CR1: variants seen among roughly 807,000 people sequenced by gnomAD.
CR1 encodes complement C3b/C4b receptor 1 (Knops blood group), also known as complement receptor type 1.
A neutral mutation model predicts 187.3 loss-of-function variants in CR1; 116 were observed. The ratio of observed to expected loss-of-function variants is 0.62; its 90% confidence interval spans 0.53 to 0.72. The LOEUF (loss-of-function observed/expected upper bound fraction) is 0.72. CR1 is among the 30% of genes least tolerant of loss of function. CR1 has a pLI of 0.00. For synonymous variants in CR1, 576 were observed against 747.1 expected, an observed-to-expected ratio of 0.77 and a Z score of 3.73; for missense variants, 1,731 against 2,110.7, an observed-to-expected ratio of 0.82 and a Z score of 3.52.
rs772716917 is a variant in CR1 at position 207,581,958 on chromosome 1, G to A, written c.5257G>A (p.Val1753Ile). 31 of 1,613,182 alleles carry A rather than the reference G, an allele frequency of 1.9e-5. No individual in the cohort carries two copies. Among genetic ancestry groups the A allele is most frequent in the Non-Finnish European group, 2.6e-5 (31 of 1,179,456 alleles). Residue 1753 changes from valine (V) to isoleucine (I), a missense_variant, in exon 32 of 47, where the codon GTT becomes ATT. By Grantham distance (29) the Val-to-Ile change is conservative. Around this residue, in one of 5 missense-constraint regions of CR1, gnomAD observed 1,312 missense variants for 1,379.6 expected, o/e 0.95. Transcript: ENST00000367049. Reference sequence around the variant, plus strand: ...CAGTTCCGTTAGTCATTGTGTCTTGGTTGGAATGAGAAGCCTTTGGAATAA... The same window carrying A: ...CAGTTCCGTTAGTCATTGTGTCTTGATTGGAATGAGAAGCCTTTGGAATAA... ...KGSSVSHCVL[V>I]GMRSLWNNSV...
Position 207,641,293 on chromosome 1 carries a change from A to G in CR1, c.*1884A>G, listed in dbSNP as rs1662978260. ...TCCTGTGTTCTTTTTTTTTTCCAGAATGGAGTAGGTCAGTGAGCAATGTGA... is the reference window on the plus strand; with the variant it reads ...TCCTGTGTTCTTTTTTTTTTCCAGAGTGGAGTAGGTCAGTGAGCAATGTGA... On this transcript the variant is annotated 3_prime_UTR_variant, in exon 47 of 47. Coordinates refer to ENST00000367049, the MANE Select transcript of CR1 (RefSeq NM_000651.6). 6.6e-6 allele frequency: 1 copy of G among 151,590 alleles called. No homozygotes were observed. The highest frequency in any genetic ancestry group is 2.1e-4 in the South Asian group (1 of 4,822). The allele number at this position is 151,590 out of a possible 1,614,324, so 9.4% of individuals were successfully genotyped here. A position where few individuals can be genotyped will look rare whatever the true frequency, so the allele number is the denominator to read the frequency against.
rs201131753 is a variant in CR1 at position 207,567,865 on chromosome 1, C to A, written c.3994C>A (p.His1332Asn). 6 of 1,610,944 alleles carry A rather than the reference C, an allele frequency of 3.7e-6. No homozygotes were observed. The South Asian group carries it at 6.6e-5, about 18-fold the overall frequency. ...PSPPVIPNGR[H>N]TGKPLEVFPF... ...TCCTCCAGTTATTCCTAATGGGAGACACACAGGAAAACCTCTGGAAGTCTT... is the reference window on the plus strand; with the variant it reads ...TCCTCCAGTTATTCCTAATGGGAGAAACACAGGAAAACCTCTGGAAGTCTT... The change falls in exon 25 of 47, where the codon CAC (histidine) becomes AAC (asparagine). Residue 1332 changes from histidine (H) to asparagine (N), a missense_variant. By Grantham distance (68) the His-to-Asn change is moderately conservative (BLOSUM62 1). Coordinates refer to ENST00000367049, the MANE Select transcript of CR1 (RefSeq NM_000651.6).
In CR1 at chr1:207,505,950, C is replaced by A; in HGVS notation, c.168C>A (p.Asn56Lys). 1.2e-6 allele frequency: 2 copies of A among 1,613,978 alleles called. No homozygotes were observed. The highest frequency in any genetic ancestry group is 1.7e-6 in the Non-Finnish European group (2 of 1,179,864). The part of the protein sequence containing the change: ...PEWLPFARPT[N>K]LTDEFEFPIG... ...GGCTTCCATTTGCCAGGCCTACCAA[C>A]CTAACTGATGAATTTGAGTTTCCCA... The change falls in exon 2 of 47, where the codon AAC becomes AAA. Residue 56 changes from asparagine to lysine, a missense_variant. Asn to Lys is a moderately conservative substitution (Grantham distance 94). Coordinates refer to ENST00000367049, the MANE Select transcript of CR1 (RefSeq NM_000651.6).
intron 39 of CR1, among the ~76,000 whole-genome samples, chr1:207,612,540 G>A (rs1276384898): frequency 2.6e-5 from 4 of 152,222 alleles, no homozygotes; most frequent in African/African-American, 9.6e-5. Flanking sequence ...TTTTAATGCA[G>A]GATTTTTCTC....
chr1:207,511,987 T>G (rs1469911451), intron 4 of CR1, among the ~76,000 whole-genome samples: 1 of 152,200 alleles, frequency 6.6e-6, no homozygotes, highest in Non-Finnish European at 1.5e-5. Flanking sequence ...TTTTTAAAAT[T>G]GATACTCTTC....
At chr1:207,523,275 T>C (rs928235668) in intron 4 of CR1, among the ~76,000 whole-genome samples, 4 of 152,150 alleles carry the variant, frequency 2.6e-5, no homozygotes, top group African/African-American at 9.7e-5. Context: ...CCTTGGTTAA[T>C]AACAAAAATG....
At chr1:207,526,069 A>G (rs1371636857) in intron 5 of CR1, among the ~76,000 whole-genome samples, 1 of 152,106 alleles carries the variant, frequency 6.6e-6, no homozygotes, top group Non-Finnish European at 1.5e-5. Flanking sequence ...CTGCCCTTAC[A>G]ATATGTTGCG....
Position 207,632,063 on chromosome 1 carries a change from T to A in CR1, c.7457+1442T>A, listed in dbSNP as rs535597337. On this transcript the variant is annotated intron_variant, in intron 46 of 46. Coordinates refer to ENST00000367049, the MANE Select transcript of CR1 (RefSeq NM_000651.6). Reference sequence around the variant, plus strand: ...AAACATAAGTAGAAGCAATTCAAACTTTTCTAAACAAAAAATTACAGATTA... The same window carrying A: ...AAACATAAGTAGAAGCAATTCAAACATTTCTAAACAAAAAATTACAGATTA... Among the ~76,000 whole-genome samples the A allele has an allele frequency of 3.3e-5, 5 of 152,140 alleles. No individual in the cohort carries two copies. In the South Asian group the frequency reaches 1.0e-3, roughly 31 times the overall value.
At chr1:207,629,492 C>T (rs1428072483) in intron 45 of CR1, among the ~76,000 whole-genome samples, 2 of 152,210 alleles carry the variant, frequency 1.3e-5, no homozygotes, top group Non-Finnish European at 2.9e-5. Flanking sequence ...CACTCTTCCT[C>T]ATCCATGGAT....
At chr1:207,596,787 A>G (rs983114640) in intron 35 of CR1, among the ~76,000 whole-genome samples, 1 of 147,960 alleles carries the variant, frequency 6.8e-6, no homozygotes, top group Admixed American at 6.8e-5. Flanking sequence ...TCATAAGTAT[A>G]TATATAATAT....
At chr1:207,595,172 T>C (rs1661392394) in intron 35 of CR1, among the ~76,000 whole-genome samples, 1 of 141,142 alleles carries the variant, frequency 7.1e-6, no homozygotes, top group Non-Finnish European at 1.5e-5. Context: ...AAAGGGATAA[T>C]GAAGACAAGA....
intron 1 of CR1, among the ~76,000 whole-genome samples, chr1:207,505,252 C>T (rs1433745186): frequency 2.6e-5 from 4 of 152,138 alleles, no homozygotes; most frequent in Non-Finnish European, 5.9e-5. Flanking sequence ...CTCCTGGGTT[C>T]AAGCAATTCT....
At chr1:207,523,573 A>T (rs779588287) in intron 4 of CR1, 38 bp from the exon 5 acceptor site, 1 of 1,612,366 alleles carries the variant, frequency 6.2e-7, no homozygotes, top group African/African-American at 1.3e-5. Context: ...TTCATTATTT[A>T]AACTGACTGT....
intron 4 of CR1, among the ~76,000 whole-genome samples, chr1:207,520,001 A>C (rs1161024070): frequency 6.6e-6 from 1 of 152,236 alleles, no homozygotes; most frequent in Non-Finnish European, 1.5e-5. Context: ...GTAAGGCTTT[A>C]GGCTAAACTT....
intron 35 of CR1, among the ~76,000 whole-genome samples, chr1:207,603,655 T>C (rs1183095191): frequency 6.6e-6 from 1 of 152,180 alleles, no homozygotes; most frequent in Non-Finnish European, 1.5e-5. Flanking sequence ...TATAGCCCTC[T>C]TTAATACTTA....
chr1:207,577,849 A>G lies in CR1; in HGVS notation c.4582A>G (p.Ile1528Val). ...LPPTIANGDF[I>V]STNRENFHYG... ...CCCAACCATCGCCAATGGAGATTTCATTAGCACCAACAGAGAGAATTTTCA... is the reference window on the plus strand; with the variant it reads ...CCCAACCATCGCCAATGGAGATTTCGTTAGCACCAACAGAGAGAATTTTCA... The change falls in exon 29 of 47, where the codon ATT becomes GTT. Residue 1528 changes from isoleucine to valine, a missense_variant. Transcript: ENST00000367049. The G allele has an allele frequency of 6.2e-7, 1 of 1,613,904 alleles. No homozygotes were observed. The highest frequency in any genetic ancestry group is 2.2e-5 in the East Asian group (1 of 44,876).
intron 34 of CR1, 132 bp downstream of exon 34, chr1:207,587,697 G>A (rs570972235): frequency 5.0e-5 from 38 of 756,056 alleles, no homozygotes; most frequent in South Asian, 4.0e-4. Flanking sequence ...TCAGGAGTTC[G>A]CAACCAGCCT....
chr1:207,612,325 T>A (rs574547516), intron 39 of CR1, among the ~76,000 whole-genome samples: 7 of 152,224 alleles, frequency 4.6e-5, no homozygotes, highest in Non-Finnish European at 1.0e-4. Context: ...CGTATTTATT[T>A]GGAGGCAAAA....
chr1:207,599,347 G>A (rs889197986), intron 35 of CR1, among the ~76,000 whole-genome samples: 1 of 152,150 alleles, frequency 6.6e-6, no homozygotes, highest in African/African-American at 2.4e-5. Flanking sequence ...TTAAAAGACG[G>A]AAGTAGAGGT....
Sources: gnomAD v4.1 joint callset for allele counts (sites outside exome capture counted in the v4.1 genomes callset) on GRCh38, gnomAD v4.1.1 for gene constraint, gnomAD v4.1.1 regional missense constraint, MANE v1.5 for transcripts, NCBI Gene and HGNC (gene_info 2026-07-23, HGNC 2026-07-21) for gene names.